The following CNTNAP4 variants were observed in gnomAD, a reference collection of about 807,000 sequenced individuals.
CNTNAP4 encodes contactin-associated protein-like 4.
Under a neutral mutation model 148.4 loss-of-function variants are expected in CNTNAP4, and 98 were observed. The observed-to-expected ratio is 0.66, with a 90% confidence interval of 0.56 to 0.78. The LOEUF (loss-of-function observed/expected upper bound fraction) is 0.78. Among genes scored for constraint, CNTNAP4 ranks in the 30% least tolerant of loss-of-function variants. The pLI, the probability that CNTNAP4 is intolerant of heterozygous loss-of-function variation, is 0.00. For missense variants in CNTNAP4, 1,935 were observed against 1,565.6 expected (o/e 1.24, Z -3.98); for synonymous variants, 730 against 565.1 (o/e 1.29, Z -4.14).
rs146466106 is a variant in CNTNAP4, at chr16:76,452,627, A to G, written c.1191A>G (p.Gln397=). ...AGGAGGAGGTTTCTGCCACTTTTCA[A>G]TTTCGAACTTGGAATAAGGCAGGGC... The part of the protein sequence containing the change: ...SGEEEVSATF[Q]FRTWNKAGLL... The change falls in exon 8 of 24, where the codon CAA becomes CAG. Residue 397 remains glutamine (Q), a synonymous_variant. Coordinates refer to ENST00000611870, the MANE Select transcript of CNTNAP4 (RefSeq NM_033401.5). The G allele has an allele frequency of 1.5e-4, 248 of 1,613,902 alleles. 1 individual carries two copies. In the African/African-American group the frequency reaches 2.6e-3, roughly 17 times the overall value.
At chr16:76,460,040 G>C (rs1164204777) in intron 8 of CNTNAP4, among the ~76,000 whole-genome samples, 1 of 152,146 alleles carries the variant, frequency 6.6e-6, no homozygotes, top group Non-Finnish European at 1.5e-5. Context: ...TAAGTAAATA[G>C]AAACAATCAT....
At chr16:76,338,601 C>A (rs1964210729) in intron 2 of CNTNAP4, among the ~76,000 whole-genome samples, 1 of 152,246 alleles carries the variant, frequency 6.6e-6, no homozygotes, top group African/African-American at 2.4e-5. Flanking sequence ...GTGCTCATTC[C>A]ATTTCAGTCC....
intron 15 of CNTNAP4, among the ~76,000 whole-genome samples, chr16:76,503,871 GATATTTT>G (rs781133924): frequency 2.0e-4 from 31 of 151,702 alleles, no homozygotes; most frequent in Non-Finnish European, 3.1e-4. Flanking sequence ...AATTATAAAT[GATATTTT>G]AAAAGTACCA....
At chr16:76,514,651 A>G (rs774262145) in intron 15 of CNTNAP4, among the ~76,000 whole-genome samples, 4 of 147,002 alleles carry the variant, frequency 2.7e-5, no homozygotes, top group Admixed American at 1.5e-4. Flanking sequence ...TCTGCAAACC[A>G]CAAGCTATAA....
intron 2 of CNTNAP4, among the ~76,000 whole-genome samples, chr16:76,351,860 C>T (rs1323641295): frequency 6.6e-6 from 1 of 152,176 alleles, no homozygotes; most frequent in Non-Finnish European, 1.5e-5. Context: ...TGATTCTTTT[C>T]TTCTTGCTGC....
chr16:76,474,741 A>G (rs9922128), intron 10 of CNTNAP4, among the ~76,000 whole-genome samples: 137,069 of 152,070 alleles, frequency 0.9, 63,329 homozygotes, highest in South Asian at 1. Flanking sequence ...AAACTTTTTC[A>G]TCTATGGTGC....
chr16:76,489,737 G>A lies in CNTNAP4; in HGVS notation c.1934G>A (p.Arg645Lys). The A allele has an allele frequency of 6.2e-7, 1 of 1,605,384 alleles. No homozygotes were observed. Among genetic ancestry groups the A allele is most frequent in the Non-Finnish European group, 8.5e-7 (1 of 1,175,426 alleles). The change falls in exon 13 of 24, where the codon AGA becomes AAA. Residue 645 changes from arginine to lysine, a missense_variant. Physicochemically the swap from Arg to Lys is conservative, Grantham distance 26. Coordinates refer to ENST00000611870, the MANE Select transcript of CNTNAP4 (RefSeq NM_033401.5). ...AACGGCTCTGACTTAACAAGAGTCA[G>A]AAATACTAATCCAGAGAACCCATAT... is the stretch of plus-strand genomic sequence containing the variant. ...QHNGSDLTRVRNTNPENPYAG... is the reference protein window; with the variant it reads ...QHNGSDLTRVKNTNPENPYAG...
In CNTNAP4 at chr16:76,522,071, G is replaced by T; in HGVS notation, c.2569G>T (p.Gly857Trp). The T allele has an allele frequency of 6.2e-7, 1 of 1,613,886 alleles. No homozygotes were observed. Among genetic ancestry groups the T allele is most frequent in the Non-Finnish European group, 8.5e-7 (1 of 1,179,808 alleles). Residue 857 changes from glycine to tryptophan, a missense_variant, in exon 17 of 24, where the codon GGG (glycine) becomes TGG (tryptophan). Physicochemically the swap from Gly to Trp is radical, Grantham distance 184. Transcript: ENST00000611870. Reference sequence around the variant, plus strand: ...AGTAGTGACTTTTTCATTTGATGTGGGGAATGGGCCTTTTGAAATCTCAGT... The same window carrying T: ...AGTAGTGACTTTTTCATTTGATGTGTGGAATGGGCCTTTTGAAATCTCAGT... ...PTVVTFSFDVGNGPFEISVQS... is the reference protein window; with the variant it reads ...PTVVTFSFDVWNGPFEISVQS...
At chr16:76,290,994 T>G (rs1959091884) in intron 1 of CNTNAP4, among the ~76,000 whole-genome samples, 1 of 152,086 alleles carries the variant, frequency 6.6e-6, no homozygotes, top group Admixed American at 6.6e-5. Context: ...TGGTGTCTCT[T>G]ACTCTTCTTA....
chr16:76,373,801 G>T (rs1037048587), intron 3 of CNTNAP4, among the ~76,000 whole-genome samples: 9 of 151,678 alleles, frequency 5.9e-5, no homozygotes, highest in Admixed American at 3.9e-4. Context: ...AGGCTGAGGT[G>T]GGGGAGTCAC....
chr16:76,516,101 C>A (rs113923745), intron 15 of CNTNAP4, among the ~76,000 whole-genome samples: 31,001 of 147,340 alleles, frequency 0.21, 3,387 homozygotes, highest in Middle Eastern at 0.36. Flanking sequence ...TTGCCCCCCA[C>A]CCCCCAACAG....
At chr16:76,410,732 G>C (rs2078762984) in intron 3 of CNTNAP4, among the ~76,000 whole-genome samples, 1 of 151,606 alleles carries the variant, frequency 6.6e-6, no homozygotes. Context: ...CTGAAGGTCA[G>C]AAAACCCAAA....
chr16:76,508,705 TAGTTAATTGTCTTAAA>T (rs1162031395), intron 15 of CNTNAP4, among the ~76,000 whole-genome samples: 1 of 95,194 alleles, frequency 1.1e-5, no homozygotes, highest in African/African-American at 2.6e-5. Flanking sequence ...TGCATACCTT[TAGTTAATTGTCTTAAA>T]TATTAATGAC....
At chr16:76,331,647 A>G (rs1178041227) in intron 2 of CNTNAP4, among the ~76,000 whole-genome samples, 2 of 151,958 alleles carry the variant, frequency 1.3e-5, no homozygotes, top group Non-Finnish European at 2.9e-5. Flanking sequence ...CCTCTTTTGT[A>G]TGATTTTCAC....
At chr16:76,338,935 T>G (rs1299929779) in intron 2 of CNTNAP4, among the ~76,000 whole-genome samples, 1 of 152,094 alleles carries the variant, frequency 6.6e-6, no homozygotes, top group Non-Finnish European at 1.5e-5. Flanking sequence ...AGATCCAGAG[T>G]CATTCCCAGC....
At chr16:76,493,441 C>T (rs900053831) in intron 13 of CNTNAP4, among the ~76,000 whole-genome samples, 3 of 151,458 alleles carry the variant, frequency 2.0e-5, no homozygotes, top group African/African-American at 7.3e-5. Context: ...ATTTTTATTT[C>T]TCAGGGTTTT....
intron 1 of CNTNAP4, among the ~76,000 whole-genome samples, chr16:76,294,902 G>T (rs558281628): frequency 2.2e-4 from 33 of 152,276 alleles, no homozygotes; most frequent in South Asian, 8.3e-4. Context: ...GATACACAAT[G>T]CTTTTGTGAC....
intron 10 of CNTNAP4, among the ~76,000 whole-genome samples, chr16:76,468,603 G>C (rs2081259684): frequency 6.6e-6 from 1 of 152,088 alleles, no homozygotes; most frequent in East Asian, 1.9e-4. Flanking sequence ...TCCTATCTCA[G>C]CCTCCTGAGT....
intron 2 of CNTNAP4, among the ~76,000 whole-genome samples, chr16:76,325,148 A>C (rs1397714952): frequency 6.6e-6 from 1 of 152,210 alleles, no homozygotes; most frequent in Non-Finnish European, 1.5e-5. Context: ...GGACAGAAAT[A>C]ATAGAGGTAG....
Sources: allele counts gnomAD v4.1 joint callset (sites outside exome capture counted in the v4.1 genomes callset), GRCh38; gene constraint gnomAD v4.1.1; transcripts MANE v1.5; gene names NCBI Gene and HGNC (gene_info 2026-07-23, HGNC 2026-07-21).